COLEC12: variants seen among roughly 807,000 people sequenced by gnomAD.
The protein encoded by COLEC12 is collectin subfamily member 12.
Under a neutral mutation model 71.1 loss-of-function variants are expected in COLEC12, and 33 were observed. The ratio of observed to expected loss-of-function variants is 0.46; its 90% CI spans 0.35 to 0.62. The LOEUF is 0.62. Ranked by LOEUF, COLEC12 falls within the 20% of genes least tolerant of loss-of-function variation. The probability of loss-of-function intolerance (pLI) is 0.00; values close to 1 mark genes in which losing one functional copy is unlikely to be tolerated. For synonymous variants in COLEC12, 350 were observed against 353.0 expected (o/e 0.99, Z 0.10); for missense variants, 765 against 916.1 (o/e 0.84, Z 2.13).
intron 2 of COLEC12, among the ~76,000 whole-genome samples, chr18:374,829 C>T (rs920758505): frequency 1.3e-5 from 2 of 152,114 alleles, no homozygotes; most frequent in African/African-American, 4.8e-5. Flanking sequence ...GAGTTCAGAC[C>T]GCAGCTGTCT....
intron 2 of COLEC12, among the ~76,000 whole-genome samples, chr18:414,268 G>A (rs1229980065): frequency 3.3e-5 from 5 of 152,108 alleles, no homozygotes; most frequent in Middle Eastern, 3.2e-3. Context: ...AAGAGAGTAA[G>A]CAAAAGCAAA....
rs563951 is a variant in COLEC12, at chr18:317,174, C to T, written c.*2871G>A. The T allele has an allele frequency of 0.22, 33,255 of 152,066 alleles. 3,959 individuals carry two copies. The highest frequency in any genetic ancestry group is 0.29 in the South Asian group (1,383 of 4,818). The allele number at this position is 152,066 out of a possible 1,614,324, so 9.4% of individuals were successfully genotyped here. On this transcript the variant is annotated 3_prime_UTR_variant, in exon 10 of 10. Transcript: ENST00000400256. ...CTGGGAGGCAGAGATTGCAGTGAGCCGAGATCGCGCCACCGCACTCCAGCC... is the reference window on the plus strand; with the variant it reads ...CTGGGAGGCAGAGATTGCAGTGAGCTGAGATCGCGCCACCGCACTCCAGCC...
intron 2 of COLEC12, chr18:423,891 G>T (rs532414348): frequency 4.6e-5 from 7 of 152,232 alleles, no homozygotes; most frequent in African/African-American, 1.7e-4. Context: ...GAATTATGCA[G>T]GTTGAGAGAG....
intron 5 of COLEC12, among the ~76,000 whole-genome samples, chr18:337,418 G>A (rs148481198): frequency 9.9e-5 from 15 of 152,246 alleles, no homozygotes; most frequent in East Asian, 5.8e-4. Context: ...AAGCCAATCC[G>A]TCTGTGTTCT....
chr18:412,989 G>T (rs901247303), intron 2 of COLEC12, among the ~76,000 whole-genome samples: 1 of 152,138 alleles, frequency 6.6e-6, no homozygotes, highest in Non-Finnish European at 1.5e-5. Flanking sequence ...AAAGCATTAC[G>T]ATTTAAAGAT....
chr18:469,029 T>C (rs950326338), intron 2 of COLEC12, among the ~76,000 whole-genome samples: 1 of 152,290 alleles, frequency 6.6e-6, no homozygotes, highest in African/African-American at 2.4e-5. Flanking sequence ...GCGCAGCACA[T>C]GGAAGGATGC....
chr18:460,885 C>T lies in COLEC12; in HGVS notation c.58+19822G>A, dbSNP rs536999252. 5.3e-5 allele frequency among the ~76,000 whole-genome samples: 8 copies of T among 152,248 alleles called. No individual in the cohort carries two copies. In the South Asian group the frequency reaches 1.0e-3, roughly 20 times the overall value. ...CATATCACTCGGAGGGTCAGAGAAG[C>T]GCCGTATCCAATTATCACAGGACTT... On this transcript the variant is annotated intron_variant, in intron 2 of 9. Coordinates refer to ENST00000400256, the MANE Select transcript of COLEC12 (RefSeq NM_130386.3).
chr18:440,013 A>G (rs1452733853), intron 2 of COLEC12, among the ~76,000 whole-genome samples: 1 of 151,972 alleles, frequency 6.6e-6, no homozygotes, highest in Non-Finnish European at 1.5e-5. Context: ...ACACACTGGA[A>G]TATTATTCAG....
At chr18:374,055 G>T (rs1049781565) in intron 2 of COLEC12, among the ~76,000 whole-genome samples, 1 of 152,160 alleles carries the variant, frequency 6.6e-6, no homozygotes. Context: ...TCTTGTGCAT[G>T]TCTGTAAACC....
intron 3 of COLEC12, among the ~76,000 whole-genome samples, chr18:352,632 A>G (rs1007056804): frequency 6.6e-6 from 1 of 152,230 alleles, no homozygotes; most frequent in Non-Finnish European, 1.5e-5. Context: ...TTGTTTAACA[A>G]TAGGATCTGG....
intron 8 of COLEC12, among the ~76,000 whole-genome samples, chr18:322,187 A>T (rs1913722550): frequency 1.9e-5 from 1 of 52,520 alleles, no homozygotes; most frequent in Non-Finnish European, 3.8e-5. Flanking sequence ...CATTATGAGG[A>T]CATGATACAC....
At chr18:372,580 G>A (rs1915024015) in intron 2 of COLEC12, among the ~76,000 whole-genome samples, 1 of 152,034 alleles carries the variant, frequency 6.6e-6, no homozygotes, top group Non-Finnish European at 1.5e-5. Flanking sequence ...ACCAGGCCCA[G>A]CTAATTTTTG....
chr18:332,942 C>A, intron 7 of COLEC12, 65 bp downstream of exon 7: 4 of 1,397,182 alleles, frequency 2.9e-6, no homozygotes, highest in Non-Finnish European at 3.9e-6. Context: ...AACAAGCCTG[C>A]AATTTCCAGA....
chr18:372,440 C>T lies in COLEC12; in HGVS notation c.59-14918G>A, dbSNP rs544603845. Among the ~76,000 whole-genome samples, 58 of 152,118 alleles carry T rather than the reference C, an allele frequency of 3.8e-4. No homozygotes were observed. In the East Asian group the frequency reaches 6.8e-3, roughly 18 times the overall value. On this transcript the variant is annotated intron_variant, in intron 2 of 9. Transcript: ENST00000400256. ...TTTTTTGTTTGTTTGTTTTTTGAGA[C>T]AGGGTCTTGCTCTGTCACCCAGGCT...
chr18:346,823 T>C lies in COLEC12; in HGVS notation c.799A>G (p.Thr267Ala). The C allele has an allele frequency of 1.2e-6, 2 of 1,614,148 alleles. No homozygotes were observed. Among genetic ancestry groups the C allele is most frequent in the South Asian group, 2.2e-5 (2 of 91,086 alleles). The change falls in exon 5 of 10, where the codon ACG becomes GCG. Residue 267 changes from threonine (T) to alanine (A), a missense_variant. By Grantham distance (58) the Thr-to-Ala change is moderately conservative (BLOSUM62 0). Transcript: ENST00000400256. This position sits in a 1 kb window ranked among gnomAD's most constrained non-coding sequence, Gnocchi z 4.0. ...WLKEKVQSLQTLAANNSALAK... is the reference protein window; with the variant it reads ...WLKEKVQSLQALAANNSALAK... ...AACGCAGAGTTGTTGGCAGCCAGCG[T>C]CTGCAAGCTCTGCACTTTCTCCTTC...
intron 2 of COLEC12, among the ~76,000 whole-genome samples, chr18:368,589 G>T (rs1325507579): frequency 2.6e-5 from 4 of 151,960 alleles, no homozygotes; most frequent in Admixed American, 6.6e-5. Context: ...ACAAGGCCGG[G>T]CGCGGTGGCT....
intron 2 of COLEC12, among the ~76,000 whole-genome samples, chr18:383,393 C>A (rs1238315440): frequency 1.3e-5 from 2 of 151,974 alleles, no homozygotes; most frequent in Non-Finnish European, 2.9e-5. Context: ...AGTGAGGTCT[C>A]AGGAGGGAGA....
rs527478390 is a variant in COLEC12 at position 494,141 on chromosome 18, T to C, written c.7+6367A>G. Among the ~76,000 whole-genome samples, 7 of 152,370 alleles carry C rather than the reference T, an allele frequency of 4.6e-5. No homozygotes were observed. The East Asian group carries it at 1.3e-3, about 29-fold the overall frequency. On this transcript the variant is annotated intron_variant, in intron 1 of 9. Transcript: ENST00000400256. ...CCTGCATTTTTTATGATGATAGCAG[T>C]GACGGCAGCTGGAATGCAACCAATA...
intron 2 of COLEC12, among the ~76,000 whole-genome samples, chr18:463,092 C>T (rs1194428645): frequency 6.6e-6 from 1 of 152,182 alleles, no homozygotes; most frequent in Admixed American, 6.5e-5. Flanking sequence ...AGAGGGTTCA[C>T]TTGATCCTGC....
Sources: allele counts gnomAD v4.1 joint callset (sites outside exome capture counted in the v4.1 genomes callset), GRCh38; gene constraint gnomAD v4.1.1; non-coding constraint Gnocchi (gnomAD v3.1); transcripts MANE v1.5; gene names NCBI Gene and HGNC (gene_info 2026-07-23, HGNC 2026-07-21).